The following GNAI2 variants were observed in gnomAD, a reference collection of about 807,000 sequenced individuals.
The protein encoded by GNAI2 is guanine nucleotide-binding protein G(i) subunit alpha-2.
In GNAI2, 4 loss-of-function variants were observed where a neutral mutation model predicts 36.8. The ratio of observed to expected loss-of-function variants is 0.11; its 90% CI spans 0.05 to 0.25. GNAI2 has a LOEUF of 0.25. GNAI2 is among the 10% of genes least tolerant of loss of function. The probability of loss-of-function intolerance (pLI) is 1.00; values close to 1 mark genes in which losing one functional copy is unlikely to be tolerated. For missense variants in GNAI2, 230 were observed against 481.3 expected (o/e 0.48, Z 4.89); for synonymous variants, 194 against 194.1 (o/e 1.00, Z 0.01).
At position 50,238,259 on chromosome 3, in the gene GNAI2, A is replaced by G. The variant is rs1246390345; in HGVS notation, c.118+1806A>G. 1.3e-5 allele frequency: 2 copies of G among 152,104 alleles called. No homozygotes were observed. The highest frequency in any genetic ancestry group is 2.9e-5 in the Non-Finnish European group (2 of 68,038). The allele number at this position is 152,104 out of a possible 1,614,324, so 9.4% of individuals were successfully genotyped here. A position where few individuals can be genotyped will look rare whatever the true frequency, so the allele number is the denominator to read the frequency against. ...AGGAGTCTCTAGACAGCCTCTCCCC[A>G]GGCGATTGCAGTTACTGTGGTGGCC... On this transcript the variant is annotated intron_variant, in intron 1 of 8. Coordinates refer to ENST00000313601, the MANE Select transcript of GNAI2 (RefSeq NM_002070.4). This position sits in a 1 kb window ranked among gnomAD's most constrained non-coding sequence, Gnocchi z 5.0.
rs1358304989 is a variant in GNAI2, at chr3:50,238,294, C to G, written c.118+1841C>G. 1 of 152,264 alleles carries G rather than the reference C, an allele frequency of 6.6e-6. No individual in the cohort carries two copies. Among genetic ancestry groups the G allele is most frequent in the African/African-American group, 2.4e-5 (1 of 41,468 alleles). The allele number at this position is 152,264 out of a possible 1,614,324, so 9.4% of individuals were successfully genotyped here. A position where few individuals can be genotyped will look rare whatever the true frequency, so the allele number is the denominator to read the frequency against. ...AGTTACTGTGGTGGCCGAGGAAATG[C>G]AAGACTGGACCATAGAGCTGGGGGA... On this transcript the variant is annotated intron_variant, in intron 1 of 8. Coordinates refer to ENST00000313601, the MANE Select transcript of GNAI2 (RefSeq NM_002070.4). The surrounding 1 kb of genome is among the most constrained non-coding windows in gnomAD (Gnocchi z 5.0).
upstream of GNAI2, among the ~76,000 whole-genome samples, chr3:50,228,656 C>T (rs1272443456): frequency 6.6e-6 from 1 of 152,178 alleles, no homozygotes; most frequent in Non-Finnish European, 1.5e-5. Context: ...GCCCCATGGC[C>T]GGGATGATCT....
Position 50,255,771 on chromosome 3 carries a change from C to T in GNAI2, c.465-421C>T, listed in dbSNP as rs115899015. Among the ~76,000 whole-genome samples the T allele has an allele frequency of 0.013, 1,912 of 151,766 alleles. 33 individuals carry two copies. The highest frequency in any genetic ancestry group is 0.014 in the Non-Finnish European group (952 of 67,898). ...TAAAGAAACAAGGGCTGTGCCTAGG[C>T]CAGGCGCAGTGGCTCACGCCTGTAA... On this transcript the variant is annotated intron_variant, in intron 4 of 8. Coordinates refer to ENST00000313601, the MANE Select transcript of GNAI2 (RefSeq NM_002070.4). The surrounding 1 kb of genome is among the most constrained non-coding windows in gnomAD (Gnocchi z 4.0).
intron 1 of GNAI2, chr3:50,246,757 T>C: frequency 2.1e-6 from 1 of 486,396 alleles, no homozygotes; most frequent in Non-Finnish European, 3.5e-6. Context: ...GAGGTGTGCC[T>C]GGCTTTCTGG....
intron 1 of GNAI2, among the ~76,000 whole-genome samples, chr3:50,243,648 G>C (rs9826676): frequency 0.015 from 2,279 of 152,302 alleles, 78 homozygotes; most frequent in African/African-American, 0.051. Context: ...TCATTATCTT[G>C]TCATATTTAA....
chr3:50,240,402 T>C (rs1480964888), intron 1 of GNAI2, among the ~76,000 whole-genome samples: 1 of 152,146 alleles, frequency 6.6e-6, no homozygotes, highest in African/African-American at 2.4e-5. Context: ...GGTGGGTGTT[T>C]CCTGGCCTGG....
In GNAI2 at chr3:50,258,905, A is replaced by G. The variant is rs1273468733; in HGVS notation, c.*562A>G. On this transcript the variant is annotated 3_prime_UTR_variant, in exon 9 of 9. Coordinates refer to ENST00000313601, the MANE Select transcript of GNAI2 (RefSeq NM_002070.4). ...AAAAAAATGAAAGTAAAGGAAAAAAAAAAAACTGCAAATCTAGAAAACTTT... is the reference window on the plus strand; with the variant it reads ...AAAAAAATGAAAGTAAAGGAAAAAAGAAAAACTGCAAATCTAGAAAACTTT... The G allele has an allele frequency of 9.0e-6, 4 of 442,996 alleles. No individual in the cohort carries two copies. The highest frequency in any genetic ancestry group is 1.8e-5 in the Non-Finnish European group (4 of 223,524). 27.4% of individuals were successfully genotyped at this position (442,996 alleles called of 1,614,324 possible).
At chr3:50,232,517 T>A (rs1700086404), upstream of GNAI2, among the ~76,000 whole-genome samples, 1 of 152,172 alleles carries the variant, frequency 6.6e-6, no homozygotes, top group South Asian at 2.1e-4. Flanking sequence ...CTGGTACTTG[T>A]CCAAAGTAAC....
chr3:50,233,763 G>T (rs1466206287), upstream of GNAI2, among the ~76,000 whole-genome samples: 1 of 152,144 alleles, frequency 6.6e-6, no homozygotes, highest in Non-Finnish European at 1.5e-5. Flanking sequence ...GGGCCTGAGG[G>T]AGTCATTGGA....
chr3:50,244,367 C>T (rs981857275), intron 1 of GNAI2, among the ~76,000 whole-genome samples: 1 of 152,108 alleles, frequency 6.6e-6, no homozygotes, highest in African/African-American at 2.4e-5. Context: ...TTCTCCTAGT[C>T]CGTATCCTCT....
At position 50,252,343 on chromosome 3, in the gene GNAI2, GTGGGAACTCCCAGTGCCCA is replaced by G; in HGVS notation, c.162-53_162-35del. The G allele has an allele frequency of 6.3e-7, 1 of 1,589,238 alleles. No homozygotes were observed. Among genetic ancestry groups the G allele is most frequent in the East Asian group, 2.2e-5 (1 of 44,688 alleles). ...CAGGTCCCAGTAGCCCCAGGCAGCCGTGGGAACTCCCAGTGCCCAGGGGACACTAACCTTCCTGGTCCCT... is the reference window on the plus strand; with the variant it reads ...CAGGTCCCAGTAGCCCCAGGCAGCCGGGGGACACTAACCTTCCTGGTCCCT... On this transcript the variant is annotated intron_variant, in intron 2 of 8. Transcript: ENST00000313601. The surrounding 1 kb of genome is among the most constrained non-coding windows in gnomAD (Gnocchi z 4.1).
chr3:50,232,415 T>C (rs1477542039), upstream of GNAI2, among the ~76,000 whole-genome samples: 1 of 152,242 alleles, frequency 6.6e-6, no homozygotes, highest in Non-Finnish European at 1.5e-5. Flanking sequence ...TTTACATGTT[T>C]CCTCCTGGAG....
chr3:50,259,092 T>C lies in GNAI2; in HGVS notation c.*749T>C, dbSNP rs1422693453. 17 of 371,550 alleles carry C rather than the reference T, an allele frequency of 4.6e-5. No homozygotes were observed. Among genetic ancestry groups the C allele is most frequent in the African/African-American group, 2.6e-4 (12 of 46,114 alleles). 23.0% of individuals were successfully genotyped at this position (371,550 alleles called of 1,614,324 possible). On this transcript the variant is annotated 3_prime_UTR_variant, in exon 9 of 9. Coordinates refer to ENST00000313601, the MANE Select transcript of GNAI2 (RefSeq NM_002070.4). ...CACCCCTGCCCTGCCCTCCACAGAA[T>C]TGGGTTCCAAGGGCTGTTCCAGACA...
chr3:50,251,477 C>T (rs1261702441), intron 1 of GNAI2: 19 of 1,078,238 alleles, frequency 1.8e-5, no homozygotes, highest in South Asian at 4.4e-5. Context: ...TGAGTCAGTA[C>T]GCGTGTGTGT....
rs1700773247 is a variant in GNAI2 at position 50,258,648 on chromosome 3, T to A, written c.*305T>A. 3.0e-6 allele frequency: 1 copy of A among 328,490 alleles called. No homozygotes were observed. The highest frequency in any genetic ancestry group is 5.9e-6 in the Non-Finnish European group (1 of 168,894). 20.3% of individuals were successfully genotyped at this position (328,490 alleles called of 1,614,324 possible). A position where few individuals can be genotyped will look rare whatever the true frequency, so the allele number is the denominator to read the frequency against. The stretch of plus-strand genomic sequence containing the variant: ...TCTGTGATGAGGGGAGGGGGGCACA[T>A]GCTGAGTCTCCCAAGGCTGCGTCTG... On this transcript the variant is annotated 3_prime_UTR_variant, in exon 9 of 9. Transcript: ENST00000313601.
chr3:50,227,168 C>A, upstream of GNAI2: 1 of 1,448,264 alleles, frequency 6.9e-7, no homozygotes, highest in African/African-American at 1.5e-5. The surrounding 1 kb of genome is among the most constrained non-coding windows in gnomAD (Gnocchi z 5.9). Flanking sequence ...AGCAGAAAGG[C>A]GGGTGTCACT....
rs1274285414 is a variant in GNAI2, at chr3:50,238,951, T to G, written c.118+2498T>G. Among the ~76,000 whole-genome samples the G allele has an allele frequency of 6.6e-6, 1 of 152,202 alleles. No individual in the cohort carries two copies. Among genetic ancestry groups the G allele is most frequent in the East Asian group, 1.9e-4 (1 of 5,192 alleles). ...GCCTCCCTCCCATCTTGGGTAGCCC[T>G]GCCAGCAGGCAGGCACAGTCCTTGT... On this transcript the variant is annotated intron_variant, in intron 1 of 8. Transcript: ENST00000313601. This position sits in a 1 kb window ranked among gnomAD's most constrained non-coding sequence, Gnocchi z 5.0.
At position 50,252,955 on chromosome 3, in the gene GNAI2, G is replaced by A; in HGVS notation, c.304-69G>A. The A allele has an allele frequency of 7.6e-7, 1 of 1,320,686 alleles. No homozygotes were observed. Among genetic ancestry groups the A allele is most frequent in the Non-Finnish European group, 1.1e-6 (1 of 950,382 alleles). The allele number at this position is 1,320,686 out of a possible 1,614,324, so 81.8% of individuals were successfully genotyped here. On this transcript the variant is annotated intron_variant, in intron 3 of 8. Coordinates refer to ENST00000313601, the MANE Select transcript of GNAI2 (RefSeq NM_002070.4). The surrounding 1 kb of genome is among the most constrained non-coding windows in gnomAD (Gnocchi z 4.1). ...ACCCTAGCCTGGGCCCCATTCCAGA[G>A]GTCTCCCTGCCTCTGGCAGAGTGGG...
upstream of GNAI2, among the ~76,000 whole-genome samples, chr3:50,227,722 G>C (rs1575431431): frequency 1.3e-5 from 2 of 152,348 alleles, no homozygotes; most frequent in African/African-American, 2.4e-5. This position sits in a 1 kb window ranked among gnomAD's most constrained non-coding sequence, Gnocchi z 5.9. Flanking sequence ...ACTGGGAGTG[G>C]ACAAGGGGGA....
Sources: allele counts gnomAD v4.1 joint callset (sites outside exome capture counted in the v4.1 genomes callset), GRCh38; gene constraint gnomAD v4.1.1; non-coding constraint Gnocchi (gnomAD v3.1); transcripts MANE v1.5; gene names NCBI Gene and HGNC (gene_info 2026-07-23, HGNC 2026-07-21).